The following COL9A1 variants were observed in gnomAD, a reference collection of about 807,000 sequenced individuals.
COL9A1 encodes collagen type IX alpha 1 chain.
In COL9A1, 104 loss-of-function variants were observed where a neutral mutation model predicts 142.6. The ratio of observed to expected loss-of-function variants is 0.73; its 90% CI spans 0.62 to 0.86. The LOEUF (loss-of-function observed/expected upper bound fraction) is 0.86. COL9A1 is among the 40% of genes least tolerant of loss of function. The probability of loss-of-function intolerance (pLI) is 0.00; values close to 1 mark genes in which losing one functional copy is unlikely to be tolerated. For missense variants in COL9A1, 1,210 were observed against 1,176.6 expected, an observed-to-expected ratio of 1.03 and a Z score of -0.42; for synonymous variants, 466 against 396.0, an observed-to-expected ratio of 1.18 and a Z score of -2.10.
chr6:70,284,743 C>T (rs895309237), intron 5 of COL9A1, among the ~76,000 whole-genome samples: 2 of 152,172 alleles, frequency 1.3e-5, no homozygotes, highest in African/African-American at 4.8e-5. Flanking sequence ...CTAGGCATTT[C>T]AAATTGGATC....
At chr6:70,245,247 T>G (rs1245002877) in intron 28 of COL9A1, among the ~76,000 whole-genome samples, 4 of 152,228 alleles carry the variant, frequency 2.6e-5, no homozygotes, top group African/African-American at 4.8e-5. Context: ...AGTTCTGGAA[T>G]TTCATCTACT....
intron 37 of COL9A1, among the ~76,000 whole-genome samples, chr6:70,220,350 T>G (rs1356806570): frequency 6.6e-6 from 1 of 150,572 alleles, no homozygotes; most frequent in Non-Finnish European, 1.5e-5. Context: ...ACCTATTGAT[T>G]TTTTTAACTC....
intron 5 of COL9A1, among the ~76,000 whole-genome samples, chr6:70,293,131 C>T (rs2127604254): frequency 6.6e-6 from 1 of 152,242 alleles, no homozygotes; most frequent in African/African-American, 2.4e-5. Flanking sequence ...TTGTATCACC[C>T]TGCTACACTC....
In COL9A1 at chr6:70,216,375, T is replaced by TG. The variant is rs1768503641; in HGVS notation, c.*521_*522insC. 1 of 159,180 alleles carries TG rather than the reference T, an allele frequency of 6.3e-6. No homozygotes were observed. Among genetic ancestry groups the TG allele is most frequent in the South Asian group, 1.8e-4 (1 of 5,518 alleles). The allele number at this position is 159,180 out of a possible 1,614,324, so 9.9% of individuals were successfully genotyped here. On this transcript the variant is annotated 3_prime_UTR_variant, in exon 38 of 38. Transcript: ENST00000357250. The stretch of plus-strand genomic sequence containing the variant: ...CATTTCGGGAGATGTAGCCCTTTCT[T>TG]ATCACTCCAGAGACAGCACATCGAT...
At chr6:70,261,399 A>G (rs568268116) in intron 19 of COL9A1, among the ~76,000 whole-genome samples, 1 of 152,342 alleles carries the variant, frequency 6.6e-6, no homozygotes, top group African/African-American at 2.4e-5. Flanking sequence ...GGAGGGATCC[A>G]GAAATGGATC....
At position 70,216,244 on chromosome 6, in the gene COL9A1, C is replaced by T. The variant is rs1410183337; in HGVS notation, c.*653G>A. The T allele has an allele frequency of 6.6e-6, 1 of 152,598 alleles. No homozygotes were observed. The highest frequency in any genetic ancestry group is 2.4e-5 in the African/African-American group (1 of 41,438). The allele number at this position is 152,598 out of a possible 1,614,324, so 9.5% of individuals were successfully genotyped here. ...CCAGAGTATTAAAATTATTTCTTTGCTTTCACATAGAAGCGCTCAAAATAT... is the reference window on the plus strand; with the variant it reads ...CCAGAGTATTAAAATTATTTCTTTGTTTTCACATAGAAGCGCTCAAAATAT... On this transcript the variant is annotated 3_prime_UTR_variant, in exon 38 of 38. Transcript: ENST00000357250.
rs200036155 is a variant in COL9A1 at position 70,263,813 on chromosome 6, C to A, written c.1342-516G>T. Among the ~76,000 whole-genome samples the A allele has an allele frequency of 6.6e-5, 10 of 151,942 alleles. No individual in the cohort carries two copies. In the East Asian group the frequency reaches 1.7e-3, roughly 26 times the overall value. Reference sequence around the variant, plus strand: ...ATATTTTAATGTAAATCAGCCATTTCTTTCATGGGTTATACCTCCTGATGT... The same window carrying A: ...ATATTTTAATGTAAATCAGCCATTTATTTCATGGGTTATACCTCCTGATGT... On this transcript the variant is annotated intron_variant, in intron 18 of 37. Coordinates refer to ENST00000357250, the MANE Select transcript of COL9A1 (RefSeq NM_001851.6).
intron 5 of COL9A1, among the ~76,000 whole-genome samples, chr6:70,292,326 A>G (rs1773691177): frequency 6.6e-6 from 1 of 152,316 alleles, no homozygotes; most frequent in East Asian, 1.9e-4. Flanking sequence ...ACACTTGTAC[A>G]TGATGATTTC....
At chr6:70,275,558 T>G (rs1260310358) in intron 10 of COL9A1, among the ~76,000 whole-genome samples, 1 of 152,140 alleles carries the variant, frequency 6.6e-6, no homozygotes, top group African/African-American at 2.4e-5. Context: ...TTTTCCCTAC[T>G]ACTACTTACT....
chr6:70,227,438 A>AAAAAAAAAAAAAAAAAAG (rs1769302354), intron 36 of COL9A1, among the ~76,000 whole-genome samples: 1 of 150,148 alleles, frequency 6.7e-6, no homozygotes, highest in Admixed American at 6.6e-5. Flanking sequence ...AAAAAAAAAA[A>AAAAAAAAAAAAAAAAAAG]AAAAAAAAAA....
chr6:70,242,184 C>A, intron 29 of COL9A1, 149 bp from the exon 30 acceptor site: 1 of 729,586 alleles, frequency 1.4e-6, no homozygotes, highest in Non-Finnish European at 2.4e-6. Context: ...GCCTCTCTTT[C>A]ATATTCTCAG....
At chr6:70,278,511 T>G (rs1447581274) in intron 10 of COL9A1, among the ~76,000 whole-genome samples, 1 of 152,328 alleles carries the variant, frequency 6.6e-6, no homozygotes, top group South Asian at 2.1e-4. Flanking sequence ...GCAAATAGTA[T>G]AGTTGATTTT....
In COL9A1 at chr6:70,302,323, C is replaced by T. The variant is rs1158442245; in HGVS notation, c.15-249G>A. 9.3e-5 allele frequency among the ~76,000 whole-genome samples: 14 copies of T among 150,960 alleles called. No homozygotes were observed. The Admixed American group carries it at 9.3e-4, about 10-fold the overall frequency. ...CTCCTGGGTTCAAACGATTCTCCTG[C>T]CTCAGCCTCCTGAGTAACTGGGATT... On this transcript the variant is annotated intron_variant, in intron 1 of 37. Coordinates refer to ENST00000357250, the MANE Select transcript of COL9A1 (RefSeq NM_001851.6).
At chr6:70,226,794 A>G (rs1769258422) in intron 36 of COL9A1, among the ~76,000 whole-genome samples, 1 of 152,166 alleles carries the variant, frequency 6.6e-6, no homozygotes, top group Non-Finnish European at 1.5e-5. Context: ...CTGAATTTTC[A>G]TCATGATCTT....
chr6:70,267,319 G>GTTTTTTTTTTTTTTTTTTTTTTTTTTTT (rs1050364230), intron 17 of COL9A1, among the ~76,000 whole-genome samples: 3 of 99,688 alleles, frequency 3.0e-5, no homozygotes, highest in Non-Finnish European at 4.4e-5. Context: ...TGTTTGTTTG[G>GTTTTTTTTTTTTTTTTTTTTTTTTTTTT]TTTTTTTGTT....
intron 20 of COL9A1, among the ~76,000 whole-genome samples, chr6:70,257,411 G>T (rs1771388842): frequency 6.6e-6 from 1 of 152,088 alleles, no homozygotes; most frequent in African/African-American, 2.4e-5. Context: ...GCTGACATGA[G>T]CTAAAAACAC....
Position 70,263,074 on chromosome 6 carries a change from T to C in COL9A1, c.1395+170A>G, listed in dbSNP as rs1002402112. On this transcript the variant is annotated intron_variant, in intron 19 of 37. Transcript: ENST00000357250. ...GCTAGAATATATAATGAAGACCCTC[T>C]CCTATTTTGAAGAAGTAGTTATCCC... Among the ~76,000 whole-genome samples, 10 of 152,256 alleles carry C rather than the reference T, an allele frequency of 6.6e-5. No homozygotes were observed. In the East Asian group the frequency reaches 1.7e-3, roughly 26 times the overall value.
rs1158285134 is a variant in COL9A1, at chr6:70,232,567, G to T, written c.2503+16C>A. On this transcript the variant is annotated intron_variant, in intron 36 of 37. Coordinates refer to ENST00000357250, the MANE Select transcript of COL9A1 (RefSeq NM_001851.6). ...AAGGTTGTGTTCTTTGGTTCCACAT[G>T]GGCAAGATGACTTACCTTTAGGTCC... The T allele has an allele frequency of 1.9e-6, 3 of 1,612,964 alleles. No homozygotes were observed. In the Admixed American group the frequency reaches 5.0e-5, roughly 27 times the overall value.
At chr6:70,223,775 CAG>C (rs1215108863) in intron 37 of COL9A1, among the ~76,000 whole-genome samples, 1 of 152,224 alleles carries the variant, frequency 6.6e-6, no homozygotes, top group African/African-American at 2.4e-5. Context: ...ATCTGGAACT[CAG>C]ATTTGTCACT....
Sources: gnomAD v4.1 joint callset for allele counts (sites outside exome capture counted in the v4.1 genomes callset) on GRCh38, gnomAD v4.1.1 for gene constraint, MANE v1.5 for transcripts, NCBI Gene and HGNC (gene_info 2026-07-23, HGNC 2026-07-21) for gene names.